Variants in TRAF3 observed in about 807,000 individuals in gnomAD.
The protein encoded by TRAF3 is TNF receptor associated factor 3, also known as TNF receptor-associated factor 3.
TRAF3 carries 13 observed loss-of-function variants against 62.3 expected under a neutral mutation model. The observed-to-expected ratio is 0.21, with a 90% CI of 0.14 to 0.33. The LOEUF is 0.33. Among genes scored for constraint, TRAF3 ranks in the 10% least tolerant of loss-of-function variants. The pLI is 1.00. For synonymous variants in TRAF3, 269 were observed against 283.4 expected (o/e 0.95, Z 0.51); for missense variants, 440 against 741.8 (o/e 0.59, Z 4.73).
intron 5 of TRAF3, 129 bp from the exon 6 acceptor site, chr14:102,876,229 T>C: frequency 1.1e-6 from 1 of 914,206 alleles, no homozygotes; most frequent in Non-Finnish European, 1.7e-6. Flanking sequence ...TACTCTTTGC[T>C]GTGGAAAACT....
At chr14:102,811,728 A>AGTGTGTGTGTGT (rs146439927) in intron 1 of TRAF3, among the ~76,000 whole-genome samples, 1 of 138,540 alleles carries the variant, frequency 7.2e-6, no homozygotes, top group South Asian at 2.4e-4. Flanking sequence ...CTACAGCAGT[A>AGTGTGTGTGTGT]GTGTGTGTGT....
intron 2 of TRAF3, among the ~76,000 whole-genome samples, chr14:102,864,762 G>A (rs1052536408): frequency 5.9e-5 from 9 of 152,190 alleles, no homozygotes; most frequent in Non-Finnish European, 1.0e-4. Flanking sequence ...AGACAGAAAT[G>A]TTTCCTTGGC....
At chr14:102,884,569 G>A (rs1889253883) in intron 6 of TRAF3, among the ~76,000 whole-genome samples, 1 of 152,136 alleles carries the variant, frequency 6.6e-6, no homozygotes, top group African/African-American at 2.4e-5. Flanking sequence ...CAGCACTTTG[G>A]GAGGCCGAGG....
chr14:102,895,092 C>G (rs564803495), intron 9 of TRAF3: 2 of 455,904 alleles, frequency 4.4e-6, no homozygotes, highest in Admixed American at 2.3e-5. Flanking sequence ...AATAAAGAGT[C>G]TGAGAATTCT....
chr14:102,791,161 A>C (rs1331855343), intron 1 of TRAF3, among the ~76,000 whole-genome samples: 1 of 151,658 alleles, frequency 6.6e-6, no homozygotes, highest in Non-Finnish European at 1.5e-5. Context: ...CTGGGACTAC[A>C]GGCACCTGCC....
chr14:102,905,168 G>A (rs771106374), intron 11 of TRAF3, 45 bp from the exon 12 acceptor site: 49 of 1,574,790 alleles, frequency 3.1e-5, no homozygotes, highest in Non-Finnish European at 4.2e-5. Flanking sequence ...TAACCTCTCT[G>A]ACGTTCACCT....
At chr14:102,853,312 C>G (rs1267043987) in intron 2 of TRAF3, among the ~76,000 whole-genome samples, 1 of 152,028 alleles carries the variant, frequency 6.6e-6, no homozygotes. Context: ...GCTGGGATTA[C>G]AGGTGTGAGC....
chr14:102,785,254 C>T (rs1475498293), intron 1 of TRAF3, among the ~76,000 whole-genome samples: 1 of 152,218 alleles, frequency 6.6e-6, no homozygotes, highest in Non-Finnish European at 1.5e-5. Context: ...CTCTAGGCCG[C>T]ACTCCGTTCC....
chr14:102,887,941 T>G (rs1383100633), intron 7 of TRAF3, among the ~76,000 whole-genome samples: 1 of 152,152 alleles, frequency 6.6e-6, no homozygotes, highest in African/African-American at 2.4e-5. Flanking sequence ...TTCTGTTGGG[T>G]TTCTGATGAA....
At chr14:102,877,684 T>A (rs1265589495) in intron 6 of TRAF3, among the ~76,000 whole-genome samples, 1 of 146,472 alleles carries the variant, frequency 6.8e-6, no homozygotes, top group Non-Finnish European at 1.5e-5. Flanking sequence ...GATAATCTGT[T>A]CCACAGGCCT....
At chr14:102,795,660 A>G (rs1028771112) in intron 1 of TRAF3, among the ~76,000 whole-genome samples, 15 of 150,922 alleles carry the variant, frequency 9.9e-5, no homozygotes, top group African/African-American at 3.7e-4. Context: ...TAAGTCCCAT[A>G]GCCCTTGTTA....
chr14:102,789,853 T>C lies in TRAF3; in HGVS notation c.-157+12178T>C, dbSNP rs183393262. 6.9e-3 allele frequency among the ~76,000 whole-genome samples: 1,052 copies of C among 152,124 alleles called. 6 individuals carry two copies. Among genetic ancestry groups the C allele is most frequent in the Non-Finnish European group, 9.9e-3 (670 of 68,010 alleles). On this transcript the variant is annotated intron_variant, in intron 1 of 11. Transcript: ENST00000392745. ...TCTTTTTTTTGAGACCGAGTCTCCT[T>C]CTGTTGCCCAGGCTGGAGTGCAGTG...
intron 1 of TRAF3, among the ~76,000 whole-genome samples, chr14:102,811,479 A>G (rs1899136768): frequency 6.8e-6 from 1 of 147,168 alleles, no homozygotes; most frequent in Non-Finnish European, 1.5e-5. Flanking sequence ...CCGTGCCGCC[A>G]TGCCTGGCTC....
chr14:102,886,167 A>G, intron 6 of TRAF3, 22 bp from the exon 7 acceptor site: 1 of 1,611,720 alleles, frequency 6.2e-7, no homozygotes, highest in East Asian at 2.2e-5. Flanking sequence ...TTTAAAGTTG[A>G]TAGTACTTTC....
At chr14:102,788,267 A>G (rs1897607397) in intron 1 of TRAF3, among the ~76,000 whole-genome samples, 1 of 152,184 alleles carries the variant, frequency 6.6e-6, no homozygotes, top group Non-Finnish European at 1.5e-5. Flanking sequence ...CCAATGTTTT[A>G]TTGAGGCAAA....
Position 102,903,286 on chromosome 14 carries a change from A to G in TRAF3, c.992A>G (p.Lys331Arg). The G allele has an allele frequency of 6.2e-7, 1 of 1,614,244 alleles. No homozygotes were observed. The highest frequency in any genetic ancestry group is 1.1e-5 in the South Asian group (1 of 91,092). ...RVIDSQAEKL[K>R]ELDKEIRPFR... Reference sequence around the variant, plus strand: ...ATAGACAGCCAAGCAGAGAAACTGAAGGAGCTTGACAAGGAGATCCGGCCC... The same window carrying G: ...ATAGACAGCCAAGCAGAGAAACTGAGGGAGCTTGACAAGGAGATCCGGCCC... The change falls in exon 11 of 12, where the codon AAG (lysine) becomes AGG (arginine). Residue 331 changes from lysine to arginine, a missense_variant. Physicochemically the swap from Lys to Arg is conservative, Grantham distance 26. This residue lies in a region of TRAF3 where 255 missense variants were observed against 424.1 expected (regional missense o/e 0.60). Coordinates refer to ENST00000392745, the MANE Select transcript of TRAF3 (RefSeq NM_145725.3). The surrounding 1 kb of genome is among the most constrained non-coding windows in gnomAD (Gnocchi z 6.4).
chr14:102,810,932 C>G (rs1899089741), intron 1 of TRAF3, among the ~76,000 whole-genome samples: 2 of 152,192 alleles, frequency 1.3e-5, no homozygotes, highest in African/African-American at 4.8e-5. Context: ...AGAACCTTTA[C>G]AGTCACTTAC....
At chr14:102,888,454 C>T (rs1889528235) in intron 7 of TRAF3, among the ~76,000 whole-genome samples, 1 of 152,186 alleles carries the variant, frequency 6.6e-6, no homozygotes, top group African/African-American at 2.4e-5. Flanking sequence ...CAGCAGGGAT[C>T]CATTTTCCCC....
intron 7 of TRAF3, among the ~76,000 whole-genome samples, chr14:102,889,201 G>T (rs1889570928): frequency 6.6e-6 from 1 of 152,036 alleles, no homozygotes; most frequent in Non-Finnish European, 1.5e-5. Context: ...ATTTTTTTGT[G>T]TTTTCATGCA....
Sources: allele counts gnomAD v4.1 joint callset (sites outside exome capture counted in the v4.1 genomes callset), GRCh38; gene constraint gnomAD v4.1.1; regional missense constraint gnomAD v4.1.1; non-coding constraint Gnocchi (gnomAD v3.1); transcripts MANE v1.5; gene names NCBI Gene and HGNC (gene_info 2026-07-23, HGNC 2026-07-21).